The following PCDH17 variants were observed in gnomAD, a reference collection of about 807,000 sequenced individuals.
The protein encoded by PCDH17 is protocadherin 17, also known as protocadherin-17.
PCDH17 carries 21 observed loss-of-function variants against 67.7 expected under a neutral mutation model. That is an observed-to-expected ratio of 0.31 (90% CI 0.22 to 0.45). PCDH17 has a LOEUF of 0.45. Among genes scored for constraint, PCDH17 ranks in the 20% least tolerant of loss-of-function variants. The pLI is 1.00. For missense variants in PCDH17, 1,471 were observed against 1,564.8 expected, an observed-to-expected ratio of 0.94 and a Z score of 1.01; for synonymous variants, 701 against 656.7, an observed-to-expected ratio of 1.07 and a Z score of -1.03.
At chr13:57,671,732 A>G (rs1332206309) in intron 3 of PCDH17, among the ~76,000 whole-genome samples, 1 of 152,042 alleles carries the variant, frequency 6.6e-6, no homozygotes, top group African/African-American at 2.4e-5. Context: ...CAATTTTCCA[A>G]GGATTATCAG....
rs531577426 is a variant in PCDH17, at chr13:57,660,708, G to A, written c.2566-5760G>A. ...TACTTTCCCTCACCTTTCACCCCTA[G>A]CAACCACGGATTTGTTCTGTGCCAT... On this transcript the variant is annotated intron_variant, in intron 1 of 3. Coordinates refer to ENST00000377918, the MANE Select transcript of PCDH17 (RefSeq NM_001040429.3). 1.2e-4 allele frequency among the ~76,000 whole-genome samples: 18 copies of A among 152,178 alleles called. No individual in the cohort carries two copies. The South Asian group carries it at 3.7e-3, about 32-fold the overall frequency.
At position 57,632,740 on chromosome 13, in the gene PCDH17, G is replaced by C. The variant is rs768630843; in HGVS notation, c.194G>C (p.Arg65Pro). ...GGGCGCAGCAAGTCGGGTAGCTACCGGGTGCTGGAGAACTCCGCACCGCAC... is the reference window on the plus strand; with the variant it reads ...GGGCGCAGCAAGTCGGGTAGCTACCCGGTGCTGGAGAACTCCGCACCGCAC... ...GGGRSKSGSY[R>P]VLENSAPHLL... Residue 65 changes from arginine (R) to proline (P), a missense_variant, in exon 1 of 4, where the codon CGG becomes CCG. Coordinates refer to ENST00000377918, the MANE Select transcript of PCDH17 (RefSeq NM_001040429.3). 6 of 1,612,026 alleles carry C rather than the reference G, an allele frequency of 3.7e-6. No individual in the cohort carries two copies. The highest frequency in any genetic ancestry group is 1.7e-5 in the Admixed American group (1 of 59,966).
At chr13:57,679,181 C>T (rs1211039418) in intron 3 of PCDH17, among the ~76,000 whole-genome samples, 1 of 151,106 alleles carries the variant, frequency 6.6e-6, no homozygotes, top group Non-Finnish European at 1.5e-5. Context: ...AATATGCAGT[C>T]TTATATTTAA....
At chr13:57,645,396 A>T (rs912019756) in intron 1 of PCDH17, among the ~76,000 whole-genome samples, 2 of 151,660 alleles carry the variant, frequency 1.3e-5, no homozygotes, top group African/African-American at 4.8e-5. Context: ...ATTTTCGACA[A>T]TCACCCATCA....
intron 3 of PCDH17, among the ~76,000 whole-genome samples, chr13:57,699,746 C>T (rs998446897): frequency 9.2e-5 from 14 of 151,902 alleles, no homozygotes; most frequent in African/African-American, 3.4e-4. Flanking sequence ...TAAAGATCTT[C>T]TACCGCATTT....
At chr13:57,724,556 G>A (rs1955896638) in intron 3 of PCDH17, 56 bp from the exon 4 acceptor site, 1 of 1,444,930 alleles carries the variant, frequency 6.9e-7, no homozygotes, top group Non-Finnish European at 9.5e-7. Flanking sequence ...AGCCTCTGTA[G>A]AAATTTAAAG....
chr13:57,687,996 G>T (rs1381681134), intron 3 of PCDH17, among the ~76,000 whole-genome samples: 1 of 151,916 alleles, frequency 6.6e-6, no homozygotes, highest in Non-Finnish European at 1.5e-5. Flanking sequence ...CTGTCAATTT[G>T]TAACACTTAT....
chr13:57,728,684 A>G lies in PCDH17; in HGVS notation c.*3390A>G, dbSNP rs1163016734. 1 of 152,080 alleles carries G rather than the reference A, an allele frequency of 6.6e-6. No homozygotes were observed. Among genetic ancestry groups the G allele is most frequent in the African/African-American group, 2.4e-5 (1 of 41,444 alleles). 9.4% of individuals were successfully genotyped at this position (152,080 alleles called of 1,614,324 possible). On this transcript the variant is annotated 3_prime_UTR_variant, in exon 4 of 4. Coordinates refer to ENST00000377918, the MANE Select transcript of PCDH17 (RefSeq NM_001040429.3). ...TTCTTAACCTGACATTTCTAACTTT[A>G]TTGCAGGCAATATACAAAGATTGGC...
intron 1 of PCDH17, among the ~76,000 whole-genome samples, chr13:57,659,411 G>C (rs1566225059): frequency 1.3e-5 from 2 of 151,924 alleles, no homozygotes; most frequent in Non-Finnish European, 2.9e-5. Context: ...AGAAATCCAA[G>C]TGTTGCATTA....
intron 3 of PCDH17, among the ~76,000 whole-genome samples, chr13:57,677,350 G>C (rs1342261853): frequency 6.6e-6 from 1 of 151,864 alleles, no homozygotes; most frequent in Non-Finnish European, 1.5e-5. Flanking sequence ...GGCTTTTAAA[G>C]AGGAAGGATA....
At chr13:57,658,139 A>C (rs1955132295) in intron 1 of PCDH17, among the ~76,000 whole-genome samples, 1 of 152,178 alleles carries the variant, frequency 6.6e-6, no homozygotes, top group Non-Finnish European at 1.5e-5. Context: ...TGCAAAAAAT[A>C]AATTTAAGTA....
At chr13:57,708,121 A>T (rs929902343) in intron 3 of PCDH17, among the ~76,000 whole-genome samples, 3 of 152,022 alleles carry the variant, frequency 2.0e-5, no homozygotes, top group Non-Finnish European at 2.9e-5. Flanking sequence ...ATATTATTTT[A>T]AAAATATATG....
rs1321121455 is a variant in PCDH17, at chr13:57,727,450, C to T, written c.*2156C>T. Reference sequence around the variant, plus strand: ...TAATTTTAAACTTTAAAAACTTCTACTGAAAATATTTCCGCCAAATGCCAT... The same window carrying T: ...TAATTTTAAACTTTAAAAACTTCTATTGAAAATATTTCCGCCAAATGCCAT... On this transcript the variant is annotated 3_prime_UTR_variant, in exon 4 of 4. Coordinates refer to ENST00000377918, the MANE Select transcript of PCDH17 (RefSeq NM_001040429.3). 1 of 152,236 alleles carries T rather than the reference C, an allele frequency of 6.6e-6. No homozygotes were observed. The highest frequency in any genetic ancestry group is 6.6e-5 in the Admixed American group (1 of 15,262). 9.4% of individuals were successfully genotyped at this position (152,236 alleles called of 1,614,324 possible).
At position 57,634,780 on chromosome 13, in the gene PCDH17, C is replaced by G; in HGVS notation, c.2234C>G (p.Ala745Gly). 1.2e-6 allele frequency: 2 copies of G among 1,613,968 alleles called. No homozygotes were observed. The highest frequency in any genetic ancestry group is 4.5e-5 in the East Asian group (2 of 44,846). Residue 745 changes from alanine (A) to glycine (G), a missense_variant, in exon 1 of 4, where the codon GCC becomes GGC. Coordinates refer to ENST00000377918, the MANE Select transcript of PCDH17 (RefSeq NM_001040429.3). This position sits in a 1 kb window ranked among gnomAD's most constrained non-coding sequence, Gnocchi z 7.8. ...KEIRTYNCRI[A>G]EYSHPQLGGG... is the part of the protein sequence containing the mutation. ...ATCCGCACTTACAACTGCCGCATCG[C>G]CGAGTACAGCCACCCGCAGCTGGGT...
At chr13:57,724,066 G>A (rs1312825099) in intron 3 of PCDH17, among the ~76,000 whole-genome samples, 1 of 152,040 alleles carries the variant, frequency 6.6e-6, no homozygotes, top group Non-Finnish European at 1.5e-5. Flanking sequence ...AATTCCATTT[G>A]CCACTCTCAG....
chr13:57,634,810 G>A lies in PCDH17; in HGVS notation c.2264G>A (p.Gly755Asp). Residue 755 changes from glycine (G) to aspartate (D), a missense_variant, in exon 1 of 4, where the codon GGC (glycine) becomes GAC (aspartate). Physicochemically the swap from Gly to Asp is moderately conservative, Grantham distance 94. Coordinates refer to ENST00000377918, the MANE Select transcript of PCDH17 (RefSeq NM_001040429.3). The surrounding 1 kb of genome is among the most constrained non-coding windows in gnomAD (Gnocchi z 7.8). ...TACAGCCACCCGCAGCTGGGTGGGG[G>A]CAAGGGCAAGAAGAAGAAGATCAAC... ...AEYSHPQLGG[G>D]KGKKKKINKN... 1 of 1,614,072 alleles carries A rather than the reference G, an allele frequency of 6.2e-7. No individual in the cohort carries two copies. The highest frequency in any genetic ancestry group is 8.5e-7 in the Non-Finnish European group (1 of 1,180,014).
intron 1 of PCDH17, 44 bp from the exon 2 acceptor site, chr13:57,666,424 G>T (rs1215433106): frequency 6.9e-7 from 1 of 1,452,780 alleles, no homozygotes; most frequent in African/African-American, 1.4e-5. Flanking sequence ...CAGGAGATTT[G>T]TCCAGTGTAC....
intron 3 of PCDH17, among the ~76,000 whole-genome samples, chr13:57,699,802 T>C (rs1955645720): frequency 6.6e-6 from 1 of 152,060 alleles, no homozygotes. Context: ...TATACAACTA[T>C]TTTAAAATTT....
chr13:57,632,682 C>A lies in PCDH17; in HGVS notation c.136C>A (p.Pro46Thr), dbSNP rs1427188691. ...CATCGGCAGGGATGCTCGACTGCAGCCTGGGCTTCCGCCTGCAGAGCGCGG... is the reference window on the plus strand; with the variant it reads ...CATCGGCAGGGATGCTCGACTGCAGACTGGGCTTCCGCCTGCAGAGCGCGG... ...GNIGRDARLQ[P>T]GLPPAERGGG... The change falls in exon 1 of 4, where the codon CCT becomes ACT. Residue 46 changes from proline (P) to threonine (T), a missense_variant. Pro to Thr is a conservative substitution (Grantham distance 38, BLOSUM62 -1). Transcript: ENST00000377918. 1 of 1,611,616 alleles carries A rather than the reference C, an allele frequency of 6.2e-7. No homozygotes were observed. The highest frequency in any genetic ancestry group is 8.5e-7 in the Non-Finnish European group (1 of 1,179,904).
Sources: gnomAD v4.1 joint callset for allele counts (sites outside exome capture counted in the v4.1 genomes callset) on GRCh38, gnomAD v4.1.1 for gene constraint, Gnocchi (gnomAD v3.1) non-coding constraint, MANE v1.5 for transcripts, NCBI Gene and HGNC (gene_info 2026-07-23, HGNC 2026-07-21) for gene names.